ACYP2: variants seen among roughly 807,000 people sequenced by gnomAD.
ACYP2 encodes the protein acylphosphatase 2.
ACYP2 carries 12 observed loss-of-function variants against 11.2 expected under a neutral mutation model. The observed-to-expected ratio is 1.08, with a 90% CI of 0.69 to 1.74. ACYP2 has a LOEUF of 1.74. ACYP2 is among the 40% of genes most tolerant of loss of function. The pLI, the probability that ACYP2 is intolerant of heterozygous loss-of-function variation, is 0.00. For missense variants in ACYP2, 134 were observed against 101.9 expected (o/e 1.31, Z -1.35); for synonymous variants, 43 against 32.2 (o/e 1.33, Z -1.13).
chr2:54,180,617 T>C (rs1460749234), intron 6 of ACYP2, among the ~76,000 whole-genome samples: 1 of 152,186 alleles, frequency 6.6e-6, no homozygotes, highest in Non-Finnish European at 1.5e-5. Flanking sequence ...TGTGGTGGCA[T>C]GATCATGGCT....
At chr2:53,979,243 G>A (rs1404450243) in intron 2 of ACYP2, among the ~76,000 whole-genome samples, 1 of 151,998 alleles carries the variant, frequency 6.6e-6, no homozygotes, top group Non-Finnish European at 1.5e-5. Context: ...TGTAGGCCTA[G>A]GCTAATGTGT....
intron 2 of ACYP2, among the ~76,000 whole-genome samples, chr2:54,030,273 C>G (rs1573558272): frequency 6.6e-6 from 1 of 152,170 alleles, no homozygotes; most frequent in Non-Finnish European, 1.5e-5. Flanking sequence ...TGAATCTATT[C>G]AAACAGCTGC....
chr2:54,094,038 G>C (rs1678381391), intron 4 of ACYP2, among the ~76,000 whole-genome samples: 1 of 152,178 alleles, frequency 6.6e-6, no homozygotes. Context: ...GTAAAGCTAT[G>C]AAGAGCTGTC....
At chr2:54,110,295 T>C (rs1679392767) in intron 4 of ACYP2, among the ~76,000 whole-genome samples, 1 of 152,186 alleles carries the variant, frequency 6.6e-6, no homozygotes, top group African/African-American at 2.4e-5. Flanking sequence ...TATTATATCA[T>C]AGTACCCTTA....
chr2:54,248,901 A>C (rs1345162693), intron 6 of ACYP2, among the ~76,000 whole-genome samples: 2 of 152,194 alleles, frequency 1.3e-5, no homozygotes, highest in Non-Finnish European at 2.9e-5. Context: ...TCAGTTTAGA[A>C]GGAATGGTGT....
At chr2:54,124,926 A>G (rs1259304156) in intron 4 of ACYP2, among the ~76,000 whole-genome samples, 1 of 151,936 alleles carries the variant, frequency 6.6e-6, no homozygotes, top group East Asian at 2.0e-4. Flanking sequence ...TTTTGTATTC[A>G]TATTTTTTGT....
In ACYP2 at chr2:54,108,002, A is replaced by C. The variant is rs1009586377; in HGVS notation, c.278-27451A>C. Among the ~76,000 whole-genome samples, 8 of 152,136 alleles carry C rather than the reference A, an allele frequency of 5.3e-5. No homozygotes were observed. The South Asian group carries it at 1.7e-3, about 32-fold the overall frequency. On this transcript the variant is annotated intron_variant, in intron 4 of 6. Transcript: ENST00000607452. ...AAACTGCCACATCCAAAAAGCTGCCACTCCGGGACCCGCCAAGCTTGCTAT... is the reference window on the plus strand; with the variant it reads ...AAACTGCCACATCCAAAAAGCTGCCCCTCCGGGACCCGCCAAGCTTGCTAT...
intron 4 of ACYP2, among the ~76,000 whole-genome samples, chr2:54,095,375 G>A (rs969270183): frequency 6.6e-6 from 1 of 152,254 alleles, no homozygotes; most frequent in African/African-American, 2.4e-5. Context: ...TTGTCATCCT[G>A]GCCCGTTCTC....
chr2:54,096,412 C>G (rs1220120404), intron 4 of ACYP2, among the ~76,000 whole-genome samples: 1 of 152,046 alleles, frequency 6.6e-6, no homozygotes. Context: ...AGAGATGCTC[C>G]TCACTTCCCA....
intron 4 of ACYP2, among the ~76,000 whole-genome samples, chr2:54,105,787 C>T (rs1679125463): frequency 1.3e-5 from 2 of 152,030 alleles, no homozygotes; most frequent in African/African-American, 4.8e-5. Context: ...AGCCATTGCG[C>T]CTGGACCCTA....
At chr2:54,291,628 T>G (rs1323226237) in intron 6 of ACYP2, among the ~76,000 whole-genome samples, 2 of 152,190 alleles carry the variant, frequency 1.3e-5, no homozygotes, top group Non-Finnish European at 2.9e-5. Flanking sequence ...AAATTTGAAT[T>G]TGGGACTGAG....
intron 2 of ACYP2, among the ~76,000 whole-genome samples, chr2:53,979,938 C>T (rs959998149): frequency 2.6e-5 from 4 of 152,166 alleles, no homozygotes; most frequent in South Asian, 4.1e-4. Flanking sequence ...GTGATCCACC[C>T]GCCTTGGCCT....
intron 6 of ACYP2, among the ~76,000 whole-genome samples, chr2:54,200,630 C>A (rs1479615857): frequency 6.6e-6 from 1 of 152,152 alleles, no homozygotes; most frequent in African/African-American, 2.4e-5. Flanking sequence ...CATGAATATG[C>A]CACATTTTGT....
intron 6 of ACYP2, among the ~76,000 whole-genome samples, chr2:54,211,976 G>A (rs564103973): frequency 2.6e-4 from 40 of 152,190 alleles, no homozygotes; most frequent in African/African-American, 9.4e-4. Flanking sequence ...TTCAACCAGG[G>A]GCTGATTGTA....
intron 6 of ACYP2, among the ~76,000 whole-genome samples, chr2:54,291,190 A>C (rs1044428051): frequency 5.9e-5 from 9 of 152,146 alleles, no homozygotes; most frequent in African/African-American, 1.9e-4. Context: ...TTCTTAAAAT[A>C]CCTTTGCCTT....
At chr2:54,222,359 G>C (rs1297183844) in intron 6 of ACYP2, among the ~76,000 whole-genome samples, 4 of 151,976 alleles carry the variant, frequency 2.6e-5, no homozygotes, top group African/African-American at 9.7e-5. Flanking sequence ...AGAGCAGTCT[G>C]GTCAACATAG....
chr2:54,020,718 T>C (rs1156564730), intron 2 of ACYP2, among the ~76,000 whole-genome samples: 1 of 152,248 alleles, frequency 6.6e-6, no homozygotes, highest in African/African-American at 2.4e-5. Context: ...CATCTAAATA[T>C]ATACAGAAAA....
chr2:54,271,043 C>T (rs1173925114), intron 6 of ACYP2, among the ~76,000 whole-genome samples: 4 of 152,206 alleles, frequency 2.6e-5, no homozygotes, highest in Non-Finnish European at 5.9e-5. Flanking sequence ...AAGTGAGAGA[C>T]TGAGGCAAGA....
At chr2:54,012,002 G>A (rs889744014) in intron 2 of ACYP2, among the ~76,000 whole-genome samples, 1 of 152,088 alleles carries the variant, frequency 6.6e-6, no homozygotes, top group Admixed American at 6.6e-5. Context: ...TTGAGAGGCC[G>A]AGGTTGGTGA....
Sources: gnomAD v4.1 joint callset for allele counts (sites outside exome capture counted in the v4.1 genomes callset) on GRCh38, gnomAD v4.1.1 for gene constraint, MANE v1.5 for transcripts, NCBI Gene and HGNC (gene_info 2026-07-23, HGNC 2026-07-21) for gene names.